RYK: variants seen among roughly 807,000 people sequenced by gnomAD.
The protein encoded by RYK is receptor like tyrosine kinase.
A neutral mutation model predicts 70.2 loss-of-function variants in RYK; 21 were observed. The observed-to-expected ratio is 0.30, with a 90% CI of 0.21 to 0.43. RYK has a LOEUF of 0.43. RYK is among the 20% of genes least tolerant of loss of function. The probability of loss-of-function intolerance (pLI) is 1.00; values close to 1 mark genes in which losing one functional copy is unlikely to be tolerated. For missense variants in RYK, 604 were observed against 753.3 expected (o/e 0.80, Z 2.32); for synonymous variants, 267 against 278.0 (o/e 0.96, Z 0.39).
intron 5 of RYK, among the ~76,000 whole-genome samples, chr3:134,203,790 A>G (rs1387560237): frequency 1.3e-5 from 2 of 152,244 alleles, no homozygotes; most frequent in Non-Finnish European, 2.9e-5. Flanking sequence ...AATGTTCTCT[A>G]GAGTACTGTC....
intron 1 of RYK, among the ~76,000 whole-genome samples, chr3:134,229,646 CTT>C (rs1468046129): frequency 1.3e-5 from 2 of 151,376 alleles, no homozygotes; most frequent in Non-Finnish European, 2.9e-5. Flanking sequence ...TAAGAAAGAA[CTT>C]AGCTGGGGGA....
At chr3:134,192,379 C>G (rs537260609) in intron 7 of RYK, among the ~76,000 whole-genome samples, 15 of 151,464 alleles carry the variant, frequency 9.9e-5, no homozygotes, top group East Asian at 3.9e-4. Flanking sequence ...CAAATGAAGA[C>G]ATGTTTGAAA....
At chr3:134,236,516 A>C (rs1173437410) in intron 1 of RYK, among the ~76,000 whole-genome samples, 1 of 152,212 alleles carries the variant, frequency 6.6e-6, no homozygotes, top group Non-Finnish European at 1.5e-5. Flanking sequence ...TGAGCTACAG[A>C]TTCACTAAAA....
intron 13 of RYK, chr3:134,170,878 G>A (rs1221429602): frequency 6.4e-6 from 1 of 156,390 alleles, no homozygotes; most frequent in East Asian, 1.8e-4. Flanking sequence ...AGCTAGGTGA[G>A]AGGTGGAGTA....
At position 134,250,521 on chromosome 3, in the gene RYK, G is replaced by GCAGCGC. The variant is rs929928035; in HGVS notation, c.128_133dup (p.Gly43_Ala44dup). 1.6e-6 allele frequency: 2 copies of GCAGCGC among 1,217,330 alleles called. No homozygotes were observed. Among genetic ancestry groups the GCAGCGC allele is most frequent in the Non-Finnish European group, 2.1e-6 (2 of 973,304 alleles). The allele number at this position is 1,217,330 out of a possible 1,614,324, so 75.4% of individuals were successfully genotyped here. A position where few individuals can be genotyped will look rare whatever the true frequency, so the allele number is the denominator to read the frequency against. On this transcript the variant is annotated inframe_insertion, in exon 1 of 15. Coordinates refer to ENST00000623711, the MANE Select transcript of RYK (RefSeq NM_002958.4). ...CGGGGGCCGCGGGGCGGGGGCGGCG[G>GCAGCGC]CAGCGCCAGGCGCGGGCAGCAGCGG...
chr3:134,187,315 T>G (rs1335240093), intron 9 of RYK, among the ~76,000 whole-genome samples: 3 of 152,182 alleles, frequency 2.0e-5, no homozygotes, highest in South Asian at 4.1e-4. Flanking sequence ...TTAAGTAAAT[T>G]TAGAAACAGT....
In RYK at chr3:134,168,609, C is replaced by T. The variant is rs528595697; in HGVS notation, c.1575+7000G>A. ...ACACAGGAAGGGGAACATCACACAC[C>T]GGGGCCTTCGTAGGGTAGGGGGATG... is the stretch of plus-strand genomic sequence containing the variant. On this transcript the variant is annotated intron_variant, in intron 13 of 14. Transcript: ENST00000623711. Among the ~76,000 whole-genome samples, 4 of 4,496 alleles carry T rather than the reference C, an allele frequency of 8.9e-4. No individual in the cohort carries two copies. The Non-Finnish European group carries it at 0.023, about 26-fold the overall frequency. The allele number at this position is 4,496 out of a possible 152,430, so 2.9% of individuals were successfully genotyped here.
At position 134,222,672 on chromosome 3, in the gene RYK, G is replaced by A. The variant is rs188651807; in HGVS notation, c.233-133C>T. 50 of 723,772 alleles carry A rather than the reference G, an allele frequency of 6.9e-5. No individual in the cohort carries two copies. The Admixed American group carries it at 9.9e-4, about 14-fold the overall frequency. 44.8% of individuals were successfully genotyped at this position (723,772 alleles called of 1,614,324 possible). On this transcript the variant is annotated intron_variant, in intron 1 of 14. Transcript: ENST00000623711. ...GAACATCACAAATGGCCCTAACATG[G>A]GCTGCCTTATGAAGCAAAAAAGACA...
At chr3:134,250,283 G>A (rs1040643491) in intron 1 of RYK, 140 bp downstream of exon 1, 1 of 379,222 alleles carries the variant, frequency 2.6e-6, no homozygotes. Context: ...GGCAGAGACC[G>A]GGCCGCGAGG....
rs1340043773 is a variant in RYK at position 134,191,768 on chromosome 3, A to T, written c.1015+81T>A. The stretch of plus-strand genomic sequence containing the variant: ...TATCTTAGACACAAAATGAGATGAA[A>T]TTTTTTAAATTTTTGAAAAAAGTGT... On this transcript the variant is annotated intron_variant, in intron 8 of 14. Coordinates refer to ENST00000623711, the MANE Select transcript of RYK (RefSeq NM_002958.4). 3.5e-6 allele frequency: 4 copies of T among 1,142,936 alleles called. No homozygotes were observed. In the South Asian group the frequency reaches 5.0e-5, roughly 14 times the overall value. The allele number at this position is 1,142,936 out of a possible 1,614,324, so 70.8% of individuals were successfully genotyped here. A position where few individuals can be genotyped will look rare whatever the true frequency, so the allele number is the denominator to read the frequency against.
At chr3:134,242,733 T>G (rs1343184720) in intron 1 of RYK, among the ~76,000 whole-genome samples, 2 of 152,210 alleles carry the variant, frequency 1.3e-5, no homozygotes, top group African/African-American at 4.8e-5. Context: ...CCAAAAGTGA[T>G]TCTTAAAATC....
chr3:134,194,707 C>T (rs1576514646), intron 7 of RYK, among the ~76,000 whole-genome samples: 2 of 152,108 alleles, frequency 1.3e-5, no homozygotes, highest in East Asian at 3.9e-4. Context: ...CCCATAAGAC[C>T]ATCAAACAAT....
chr3:134,196,763 T>C (rs1219029103), intron 6 of RYK, among the ~76,000 whole-genome samples: 1 of 152,226 alleles, frequency 6.6e-6, no homozygotes, highest in Non-Finnish European at 1.5e-5. Flanking sequence ...TTTCTATGGC[T>C]AATAATACAA....
At chr3:134,248,601 G>T (rs995227240) in intron 1 of RYK, among the ~76,000 whole-genome samples, 3 of 152,018 alleles carry the variant, frequency 2.0e-5, no homozygotes, top group Non-Finnish European at 4.4e-5. Flanking sequence ...GGCAGATCAC[G>T]AGCTCAGGAG....
At chr3:134,159,091 T>G in intron 14 of RYK, 146 bp downstream of exon 14, 1 of 877,330 alleles carries the variant, frequency 1.1e-6, no homozygotes, top group Non-Finnish European at 1.8e-6. Flanking sequence ...GACTTTGTGG[T>G]TTTTTATAAG....
intron 6 of RYK, chr3:134,202,498 C>T (rs961351799): frequency 2.3e-6 from 1 of 437,546 alleles, no homozygotes; most frequent in Non-Finnish European, 4.0e-6. Context: ...ACTTGTTCTC[C>T]ACTTCTTCCT....
At chr3:134,239,036 C>G (rs1380047783) in intron 1 of RYK, among the ~76,000 whole-genome samples, 1 of 152,024 alleles carries the variant, frequency 6.6e-6, no homozygotes, top group Non-Finnish European at 1.5e-5. Flanking sequence ...AGGGGAGAGA[C>G]AAAATATGAT....
intron 4 of RYK, 107 bp from the exon 5 acceptor site, chr3:134,207,632 T>C (rs1267994153): frequency 2.1e-5 from 14 of 677,250 alleles, no homozygotes; most frequent in Non-Finnish European, 3.4e-5. Context: ...CAGGTATGTG[T>C]TGCGAGATAA....
chr3:134,244,897 T>C (rs1345713509), intron 1 of RYK, among the ~76,000 whole-genome samples: 1 of 152,152 alleles, frequency 6.6e-6, no homozygotes, highest in Non-Finnish European at 1.5e-5. Context: ...AGAGCCCTTA[T>C]AAAAAGACCC....
Sources: allele counts gnomAD v4.1 joint callset (sites outside exome capture counted in the v4.1 genomes callset), GRCh38; gene constraint gnomAD v4.1.1; transcripts MANE v1.5; gene names NCBI Gene and HGNC (gene_info 2026-07-23, HGNC 2026-07-21).